Variants in ENTHD1 observed in about 807,000 individuals in gnomAD.
ENTHD1 encodes the protein ENTH domain containing 1, also known as ENTH domain-containing protein 1.
In ENTHD1, 23 loss-of-function variants were observed where a neutral mutation model predicts 39.1. The observed-to-expected ratio is 0.59, with a 90% CI of 0.42 to 0.83. The LOEUF is 0.83. Among genes scored for constraint, ENTHD1 ranks in the 40% least tolerant of loss-of-function variants. ENTHD1 has a pLI of 0.00. For missense variants in ENTHD1, 624 were observed against 705.4 expected (o/e 0.88, Z 1.31); for synonymous variants, 230 against 258.2 (o/e 0.89, Z 1.05).
At chr22:39,794,691 C>A (rs1296324362) in intron 5 of ENTHD1, among the ~76,000 whole-genome samples, 1 of 151,936 alleles carries the variant, frequency 6.6e-6, no homozygotes, top group South Asian at 2.1e-4. Context: ...GTAGTCCCAG[C>A]TACTCAGGAG....
At chr22:39,746,991 G>T (rs563839653) in intron 6 of ENTHD1, among the ~76,000 whole-genome samples, 2 of 152,204 alleles carry the variant, frequency 1.3e-5, no homozygotes, top group East Asian at 1.9e-4. Context: ...GTTTTGTTTT[G>T]TTTTTTCTTT....
At chr22:39,830,142 C>T (rs1367530591) in intron 4 of ENTHD1, among the ~76,000 whole-genome samples, 1 of 152,184 alleles carries the variant, frequency 6.6e-6, no homozygotes, top group Non-Finnish European at 1.5e-5. Flanking sequence ...GTGGTGTAAT[C>T]TTAGCTCACT....
chr22:39,784,569 C>T (rs1011758189), intron 5 of ENTHD1, among the ~76,000 whole-genome samples: 1 of 151,566 alleles, frequency 6.6e-6, no homozygotes, highest in African/African-American at 2.4e-5. Flanking sequence ...CACACACACA[C>T]ACACACACAC....
chr22:39,875,584 T>A, intron 2 of ENTHD1: 6 of 1,611,470 alleles, frequency 3.7e-6, no homozygotes, highest in Non-Finnish European at 5.1e-6. Flanking sequence ...AAGTTTTAGA[T>A]AGTACGAAGT....
chr22:39,804,452 CAAAAAAAAAA>C (rs541007024), intron 5 of ENTHD1, among the ~76,000 whole-genome samples: 2 of 78,062 alleles, frequency 2.6e-5, no homozygotes, highest in African/African-American at 9.1e-5. Flanking sequence ...GACTCTGTCT[CAAAAAAAAAA>C]AAAAAAAAAA....
chr22:39,814,295 C>CAAAAAAAAAAAATAAA, intron 5 of ENTHD1, among the ~76,000 whole-genome samples: 1 of 97,740 alleles, frequency 1.0e-5, no homozygotes, highest in Non-Finnish European at 2.2e-5. Flanking sequence ...CCCATCTCTA[C>CAAAAAAAAAAAATAAA]AAAAAAAAAA....
intron 4 of ENTHD1, among the ~76,000 whole-genome samples, chr22:39,825,054 C>G (rs2065816098): frequency 6.6e-6 from 1 of 152,164 alleles, no homozygotes. Context: ...ATCCATGTAA[C>G]ATGATAGGTC....
intron 5 of ENTHD1, among the ~76,000 whole-genome samples, chr22:39,774,889 T>TA (rs2065354932): frequency 6.6e-6 from 1 of 152,130 alleles, no homozygotes; most frequent in Non-Finnish European, 1.5e-5. Context: ...TCACGTCCCT[T>TA]AAAAAAACAT....
intron 2 of ENTHD1, chr22:39,875,299 G>A (rs964893877): frequency 1.6e-6 from 2 of 1,250,788 alleles, no homozygotes; most frequent in Non-Finnish European, 2.0e-6. Flanking sequence ...AAATTCGGTC[G>A]GTCGCAGCCC....
chr22:39,859,792 A>G (rs2066124972), intron 3 of ENTHD1, among the ~76,000 whole-genome samples: 2 of 152,256 alleles, frequency 1.3e-5, no homozygotes, highest in Admixed American at 1.3e-4. Context: ...CACAGACACA[A>G]AGTATGCACA....
chr22:39,870,888 G>A (rs1233516355), intron 2 of ENTHD1, among the ~76,000 whole-genome samples: 2 of 152,096 alleles, frequency 1.3e-5, no homozygotes, highest in Non-Finnish European at 2.9e-5. Flanking sequence ...CAGTAGAAAA[G>A]ACCTCCTTTT....
chr22:39,798,880 T>G (rs1663606856), intron 5 of ENTHD1, among the ~76,000 whole-genome samples: 2 of 151,900 alleles, frequency 1.3e-5, no homozygotes, highest in Admixed American at 1.3e-4. Context: ...TGTGATGGAG[T>G]GTGCAGTCCA....
intron 3 of ENTHD1, among the ~76,000 whole-genome samples, chr22:39,853,767 G>T (rs2066063181): frequency 2.0e-5 from 3 of 151,992 alleles, no homozygotes; most frequent in South Asian, 4.2e-4. Context: ...AGAGATAGGG[G>T]TTTCACCATG....
chr22:39,769,650 G>A (rs984504809), intron 5 of ENTHD1, among the ~76,000 whole-genome samples: 7 of 152,100 alleles, frequency 4.6e-5, no homozygotes, highest in African/African-American at 1.7e-4. Flanking sequence ...CAAGGCTGCA[G>A]TAGTACTCAG....
chr22:39,821,183 G>C, intron 4 of ENTHD1, 70 bp from the exon 5 acceptor site: 3 of 1,545,884 alleles, frequency 1.9e-6, no homozygotes, highest in Non-Finnish European at 2.6e-6. Context: ...AATTTATTGA[G>C]CTACAAAGTA....
At chr22:39,748,251 A>G (rs1182320030) in intron 6 of ENTHD1, among the ~76,000 whole-genome samples, 1 of 141,340 alleles carries the variant, frequency 7.1e-6, no homozygotes, top group Non-Finnish European at 1.5e-5. Flanking sequence ...CCTGTCTCCA[A>G]AAAAAAAAAA....
At chr22:39,780,551 C>T (rs1279839727) in intron 5 of ENTHD1, among the ~76,000 whole-genome samples, 1 of 151,708 alleles carries the variant, frequency 6.6e-6, no homozygotes, top group South Asian at 2.1e-4. Flanking sequence ...AACTGGAAAC[C>T]AAAAAAGAGT....
intron 5 of ENTHD1, among the ~76,000 whole-genome samples, chr22:39,789,362 CT>C (rs1373696373): frequency 3.3e-5 from 5 of 151,816 alleles, no homozygotes; most frequent in Non-Finnish European, 5.9e-5. Flanking sequence ...AATTTTTTTT[CT>C]TCCTTAACTC....
At chr22:39,756,113 CATGCTGCCTCTTCTGTGGAACTA>C (rs2065182085) in intron 6 of ENTHD1, among the ~76,000 whole-genome samples, 1 of 152,174 alleles carries the variant, frequency 6.6e-6, no homozygotes, top group Admixed American at 6.5e-5. Flanking sequence ...CTATCAGGCT[CATGCTGCCTCTTCTGTGGAACTA>C]GGCAACTTTC....
Sources: gnomAD v4.1 joint callset for allele counts (sites outside exome capture counted in the v4.1 genomes callset) on GRCh38, gnomAD v4.1.1 for gene constraint, MANE v1.5 for transcripts, NCBI Gene and HGNC (gene_info 2026-07-23, HGNC 2026-07-21) for gene names.